The following NPSR1 variants were observed in gnomAD, a reference collection of about 807,000 sequenced individuals.
NPSR1 encodes the protein neuropeptide S receptor.
Under a neutral mutation model 46.9 loss-of-function variants are expected in NPSR1, and 48 were observed. That is an observed-to-expected ratio of 1.02 (90% CI 0.81 to 1.30). The LOEUF is 1.30. NPSR1 is among the 50% of genes most tolerant of loss of function. The pLI is 0.00. For synonymous variants in NPSR1, 176 were observed against 168.1 expected, an observed-to-expected ratio of 1.05 and a Z score of -0.36; for missense variants, 450 against 449.5, an observed-to-expected ratio of 1.00 and a Z score of -0.01.
At chr7:34,757,795 C>A (rs1388420061) in intron 2 of NPSR1, among the ~76,000 whole-genome samples, 3 of 152,236 alleles carry the variant, frequency 2.0e-5, no homozygotes, top group Non-Finnish European at 4.4e-5. Context: ...CTCCTACCTT[C>A]CGATGCCTCC....
intron 8 of NPSR1, among the ~76,000 whole-genome samples, chr7:34,875,284 G>A (rs1791548370): frequency 6.6e-6 from 1 of 152,136 alleles, no homozygotes; most frequent in South Asian, 2.1e-4. Context: ...AGCAACATTG[G>A]TCTTTCTTGG....
At chr7:34,823,417 C>CAAAAAAAA (rs79081202) in intron 4 of NPSR1, among the ~76,000 whole-genome samples, 1 of 103,958 alleles carries the variant, frequency 9.6e-6, no homozygotes, top group Non-Finnish European at 1.9e-5. Context: ...AAAAAAAAAA[C>CAAAAAAAA]AACACCATAA....
chr7:34,776,502 G>A (rs1016112796), intron 2 of NPSR1, among the ~76,000 whole-genome samples: 4 of 152,050 alleles, frequency 2.6e-5, no homozygotes, highest in Non-Finnish European at 5.9e-5. Context: ...TATTTTGCCT[G>A]ATATAAGCAT....
At chr7:34,721,141 AC>A (rs1783836838) in intron 2 of NPSR1, among the ~76,000 whole-genome samples, 1 of 152,246 alleles carries the variant, frequency 6.6e-6, no homozygotes, top group Non-Finnish European at 1.5e-5. Context: ...GTAAGAAAGA[AC>A]AAGAATGATC....
intron 2 of NPSR1, among the ~76,000 whole-genome samples, chr7:34,722,572 T>C (rs1783916735): frequency 6.6e-6 from 1 of 152,198 alleles, no homozygotes; most frequent in African/African-American, 2.4e-5. Context: ...GGCTATGGTA[T>C]ATTTAGATTT....
chr7:34,786,972 T>C (rs574492099), intron 3 of NPSR1, among the ~76,000 whole-genome samples: 14 of 152,234 alleles, frequency 9.2e-5, no homozygotes, highest in Non-Finnish European at 1.8e-4. Context: ...GAGCATTGGC[T>C]TCAACTCAAA....
At chr7:34,725,449 C>T (rs1298855037) in intron 2 of NPSR1, among the ~76,000 whole-genome samples, 2 of 152,174 alleles carry the variant, frequency 1.3e-5, no homozygotes, top group African/African-American at 2.4e-5. Flanking sequence ...ATTGAGGATA[C>T]TGAAGGACAG....
At chr7:34,844,770 A>G in intron 6 of NPSR1, 126 bp from the exon 7 acceptor site, 1 of 694,346 alleles carries the variant, frequency 1.4e-6, no homozygotes, top group Middle Eastern at 2.8e-4. Context: ...AAGGAAGGCC[A>G]TCTGGGCATA....
chr7:34,827,653 T>C, intron 5 of NPSR1, 51 bp downstream of exon 5: 3 of 850,642 alleles, frequency 3.5e-6, no homozygotes, highest in East Asian at 4.1e-5. Context: ...CGGGGGGGGC[T>C]TTCCTGTTTC....
intron 2 of NPSR1, among the ~76,000 whole-genome samples, chr7:34,698,825 T>G (rs1407952028): frequency 6.6e-6 from 1 of 152,198 alleles, no homozygotes; most frequent in Non-Finnish European, 1.5e-5. Flanking sequence ...TATTAGGATT[T>G]TCTTCTCCTA....
intron 2 of NPSR1, chr7:34,711,001 T>C: frequency 2.8e-6 from 1 of 353,380 alleles, no homozygotes; most frequent in South Asian, 2.6e-5. Flanking sequence ...ACCACTTCTA[T>C]GTACCTGCAG....
chr7:34,812,352 G>A (rs1789028653), intron 4 of NPSR1, among the ~76,000 whole-genome samples: 1 of 152,114 alleles, frequency 6.6e-6, no homozygotes, highest in Non-Finnish European at 1.5e-5. Flanking sequence ...AACTCTCTTT[G>A]ATCCAGAAAT....
chr7:34,672,782 G>C (rs1792121770), intron 1 of NPSR1, among the ~76,000 whole-genome samples: 1 of 152,090 alleles, frequency 6.6e-6, no homozygotes, highest in Non-Finnish European at 1.5e-5. Flanking sequence ...TAAGGCAAAG[G>C]CAATTCAGGT....
chr7:34,873,522 A>G (rs1791504471), intron 8 of NPSR1, among the ~76,000 whole-genome samples: 2 of 151,720 alleles, frequency 1.3e-5, no homozygotes, highest in South Asian at 2.1e-4. Context: ...GGGAGCTTAC[A>G]CCATGGTGAA....
At chr7:34,828,172 G>A (rs978330916) in intron 5 of NPSR1, among the ~76,000 whole-genome samples, 3 of 152,248 alleles carry the variant, frequency 2.0e-5, no homozygotes, top group Admixed American at 6.5e-5. Flanking sequence ...TATTTTGGAA[G>A]CCACCATTGA....
At chr7:34,856,174 A>T (rs182584815) in intron 8 of NPSR1, among the ~76,000 whole-genome samples, 4 of 148,728 alleles carry the variant, frequency 2.7e-5, no homozygotes, top group Admixed American at 2.6e-4. Flanking sequence ...AAAAAAAAAT[A>T]AGATAAAAGG....
intron 2 of NPSR1, among the ~76,000 whole-genome samples, chr7:34,702,484 G>T (rs987884122): frequency 1.3e-5 from 2 of 152,174 alleles, no homozygotes; most frequent in African/African-American, 4.8e-5. Context: ...CTTCCATCCA[G>T]AACTGAGAAG....
At chr7:34,850,467 C>T (rs1476860520), downstream of NPSR1, among the ~76,000 whole-genome samples, 2 of 142,770 alleles carry the variant, frequency 1.4e-5, no homozygotes, top group Non-Finnish European at 3.0e-5. Flanking sequence ...GTGGCACGAT[C>T]TCGGCTCACT....
intron 6 of NPSR1, among the ~76,000 whole-genome samples, chr7:34,842,987 T>A (rs1420758626): frequency 6.6e-6 from 1 of 152,194 alleles, no homozygotes; most frequent in African/African-American, 2.4e-5. Flanking sequence ...TGGCTGAGGA[T>A]GTTCACTCTC....
Sources: gnomAD v4.1 joint callset for allele counts (sites outside exome capture counted in the v4.1 genomes callset) on GRCh38, gnomAD v4.1.1 for gene constraint, MANE v1.5 for transcripts, NCBI Gene and HGNC (gene_info 2026-07-23, HGNC 2026-07-21) for gene names.